Variants in CCNT1 observed in about 807,000 individuals in gnomAD.
CCNT1 encodes the protein cyclin-T1.
In CCNT1, 18 loss-of-function variants were observed where a neutral mutation model predicts 67.3. That is an observed-to-expected ratio of 0.27 (90% CI 0.18 to 0.40). CCNT1 has a LOEUF of 0.40. Among genes scored for constraint, CCNT1 ranks in the 10% least tolerant of loss-of-function variants. CCNT1 has a pLI of 1.00. For missense variants in CCNT1, 744 were observed against 884.9 expected (o/e 0.84, Z 2.02); for synonymous variants, 333 against 310.3 (o/e 1.07, Z -0.77).
intron 2 of CCNT1, 134 bp from the exon 3 acceptor site, chr12:48,706,030 G>GCC (rs561574316): frequency 4.2e-6 from 3 of 707,410 alleles, no homozygotes; most frequent in Non-Finnish European, 2.2e-6. Flanking sequence ...ACCCTTTCCC[G>GCC]CCCCCCCGCT....
rs774161411 is a variant in CCNT1, at chr12:48,693,130, G to C, written c.2084C>G (p.Ser695Cys). 4 of 1,614,150 alleles carry C rather than the reference G, an allele frequency of 2.5e-6. No individual in the cohort carries two copies. In the South Asian group the frequency reaches 4.4e-5, roughly 18 times the overall value. The stretch of plus-strand genomic sequence containing the variant: ...GCCAGATCTCGAGGAGATTCCACCA[G>C]ACCGAGGATTCAGATAGTCACTATA... ...RPYSDYLNPRSGGISSRSGNT... is the reference protein window; with the variant it reads ...RPYSDYLNPRCGGISSRSGNT... The change falls in exon 9 of 9, where the codon TCT becomes TGT. Residue 695 changes from serine (S) to cysteine (C), a missense_variant. Around this residue, in one of 3 missense-constraint regions of CCNT1, gnomAD observed 564 missense variants for 574.2 expected, o/e 0.98. Coordinates refer to ENST00000261900, the MANE Select transcript of CCNT1 (RefSeq NM_001240.4).
At chr12:48,706,015 T>A in intron 2 of CCNT1, 119 bp from the exon 3 acceptor site, 3 of 911,098 alleles carry the variant, frequency 3.3e-6, no homozygotes, top group Non-Finnish European at 4.8e-6. Flanking sequence ...CTTTGTCACC[T>A]CTTTACCCTT....
Position 48,694,086 on chromosome 12 carries a change from C to A in CCNT1, c.1128G>T (p.Lys376Asn). The change falls in exon 9 of 9, where the codon AAG becomes AAT. Residue 376 changes from lysine (K) to asparagine (N), a missense_variant. Physicochemically the swap from Lys to Asn is moderately conservative, Grantham distance 94. Around this residue, in one of 3 missense-constraint regions of CCNT1, gnomAD observed 564 missense variants for 574.2 expected, o/e 0.98. Coordinates refer to ENST00000261900, the MANE Select transcript of CCNT1 (RefSeq NM_001240.4). ...QDGSNAFISQ[K>N]QNSKSVPSAK... ...CTGATGGCACACTCTTACTATTCTG[C>A]TTCTGGGAAATAAATGCATTTGAAC... 1 of 1,614,236 alleles carries A rather than the reference C, an allele frequency of 6.2e-7. No homozygotes were observed. Among genetic ancestry groups the A allele is most frequent in the South Asian group, 1.1e-5 (1 of 91,086 alleles).
chr12:48,700,903 G>A (rs1940254832), intron 4 of CCNT1, 110 bp downstream of exon 4: 2 of 616,314 alleles, frequency 3.2e-6, no homozygotes, highest in Non-Finnish European at 5.7e-6. Context: ...GAAACAGAGG[G>A]ACACTACAAA....
chr12:48,688,976 G>GT lies in CCNT1; in HGVS notation c.*4056dup, dbSNP rs1298170453. 1 of 152,102 alleles carries GT rather than the reference G, an allele frequency of 6.6e-6. No individual in the cohort carries two copies. Among genetic ancestry groups the GT allele is most frequent in the Non-Finnish European group, 1.5e-5 (1 of 68,024 alleles). 9.4% of individuals were successfully genotyped at this position (152,102 alleles called of 1,614,324 possible). A position where few individuals can be genotyped will look rare whatever the true frequency, so the allele number is the denominator to read the frequency against. ...TTAAGCCAGCTGGCACTTCCACTTT[G>GT]TAACCAATTATATTATGATCAACAA... On this transcript the variant is annotated 3_prime_UTR_variant, in exon 9 of 9. Transcript: ENST00000261900.
At chr12:48,700,371 T>G (rs941775780) in intron 4 of CCNT1, among the ~76,000 whole-genome samples, 2 of 144,308 alleles carry the variant, frequency 1.4e-5, no homozygotes, top group African/African-American at 2.5e-5. Context: ...AATTGAGAGA[T>G]AAACTTTGAA....
intron 3 of CCNT1, 31 bp from the exon 4 acceptor site, chr12:48,701,104 A>G: frequency 1.5e-6 from 2 of 1,304,850 alleles, no homozygotes; most frequent in Non-Finnish European, 2.2e-6. Flanking sequence ...ATTATTCCCT[A>G]CAAAGGCACA....
At chr12:48,702,872 C>T (rs555552787) in intron 3 of CCNT1, among the ~76,000 whole-genome samples, 49 of 152,180 alleles carry the variant, frequency 3.2e-4, no homozygotes, top group African/African-American at 1.1e-3. Flanking sequence ...GGAATTCTAA[C>T]ACTTTGGGAG....
intron 1 of CCNT1, 105 bp downstream of exon 1, chr12:48,716,410 G>C: frequency 9.3e-7 from 1 of 1,075,142 alleles, no homozygotes; most frequent in African/African-American, 1.6e-5. Context: ...TCCAGCTTCT[G>C]CCCACCTTCT....
At chr12:48,695,500 CACACAGAAAAT>C (rs1309777813) in intron 8 of CCNT1, among the ~76,000 whole-genome samples, 1 of 152,140 alleles carries the variant, frequency 6.6e-6, no homozygotes, top group Non-Finnish European at 1.5e-5. Flanking sequence ...TACCAGTTTC[CACACAGAAAAT>C]ACTGAACCAG....
chr12:48,706,528 A>T (rs2137238225), intron 2 of CCNT1, among the ~76,000 whole-genome samples: 1 of 152,354 alleles, frequency 6.6e-6, no homozygotes, highest in East Asian at 1.9e-4. Context: ...TATTTATAGA[A>T]AGCATTAAGA....
chr12:48,698,205 CAG>C (rs748662518), intron 5 of CCNT1, 22 bp from the exon 6 acceptor site: 3 of 1,261,254 alleles, frequency 2.4e-6, no homozygotes, highest in Non-Finnish European at 3.3e-6. Flanking sequence ...AAAAAAAAGT[CAG>C]GGGTGGGGGA....
intron 6 of CCNT1, among the ~76,000 whole-genome samples, 160 bp from the exon 7 acceptor site, chr12:48,696,322 T>C (rs1330814213): frequency 6.8e-6 from 1 of 147,110 alleles, no homozygotes; most frequent in African/African-American, 2.5e-5. Flanking sequence ...TGCTCTGATC[T>C]AGCACTCAAT....
At chr12:48,705,526 C>G (rs1940342640) in intron 3 of CCNT1, 1 of 421,972 alleles carries the variant, frequency 2.4e-6, no homozygotes, top group South Asian at 3.1e-5. Flanking sequence ...TCCCACCTTA[C>G]CCTCCCAAAG....
At position 48,693,898 on chromosome 12, in the gene CCNT1, A is replaced by G. The variant is rs769436332; in HGVS notation, c.1316T>C (p.Met439Thr). 4.8e-5 allele frequency: 78 copies of G among 1,613,922 alleles called. No homozygotes were observed. The Middle Eastern group carries it at 8.2e-4, about 17-fold the overall frequency. Residue 439 changes from methionine to threonine, a missense_variant, in exon 9 of 9, where the codon ATG becomes ACG. Coordinates refer to ENST00000261900, the MANE Select transcript of CCNT1 (RefSeq NM_001240.4). The part of the protein sequence containing the change: ...HDSHSSVILK[M>T]PIEGSENPER... ...GGGGTTTTCTGAACCCTCTATGGGC[A>G]TTTTTAGAATGACTGAAGAATGGCT...
In CCNT1 at chr12:48,691,596, A is replaced by C. The variant is rs1222714374; in HGVS notation, c.*1437T>G. On this transcript the variant is annotated 3_prime_UTR_variant, in exon 9 of 9. Coordinates refer to ENST00000261900, the MANE Select transcript of CCNT1 (RefSeq NM_001240.4). ...TAATATCTGGGATAATCAAGCCTCC[A>C]TAACAACAGGACTCTTGACCTATTT... 1 of 152,242 alleles carries C rather than the reference A, an allele frequency of 6.6e-6. No homozygotes were observed. The highest frequency in any genetic ancestry group is 1.5e-5 in the Non-Finnish European group (1 of 68,040). The allele number at this position is 152,242 out of a possible 1,614,324, so 9.4% of individuals were successfully genotyped here. A position where few individuals can be genotyped will look rare whatever the true frequency, so the allele number is the denominator to read the frequency against.
Position 48,716,677 on chromosome 12 carries a change from G to A in CCNT1, c.-2C>T. 1 of 1,613,154 alleles carries A rather than the reference G, an allele frequency of 6.2e-7. No individual in the cohort carries two copies. The highest frequency in any genetic ancestry group is 2.2e-5 in the East Asian group (1 of 44,822). Reference sequence around the variant, plus strand: ...GTTGTTCTTCCTCTCTCCCTCCATAGTGCTTCAACCAGAAGGCAGCGGCGA... The same window carrying A: ...GTTGTTCTTCCTCTCTCCCTCCATAATGCTTCAACCAGAAGGCAGCGGCGA... On this transcript the variant is annotated 5_prime_UTR_variant, in exon 1 of 9. Coordinates refer to ENST00000261900, the MANE Select transcript of CCNT1 (RefSeq NM_001240.4).
At chr12:48,705,315 T>C (rs1765705953) in intron 3 of CCNT1, among the ~76,000 whole-genome samples, 1 of 152,086 alleles carries the variant, frequency 6.6e-6, no homozygotes, top group South Asian at 2.1e-4. Flanking sequence ...TTTCTTTTTT[T>C]GTAGAAATGG....
chr12:48,713,993 C>G (rs1352033244), intron 2 of CCNT1, among the ~76,000 whole-genome samples: 1 of 152,088 alleles, frequency 6.6e-6, no homozygotes, highest in Non-Finnish European at 1.5e-5. Context: ...TCCCTGAGTT[C>G]AAGCAATCCT....
Sources: allele counts gnomAD v4.1 joint callset (sites outside exome capture counted in the v4.1 genomes callset), GRCh38; gene constraint gnomAD v4.1.1; regional missense constraint gnomAD v4.1.1; transcripts MANE v1.5; gene names NCBI Gene and HGNC (gene_info 2026-07-23, HGNC 2026-07-21).